The following SMARCAL1 variants were observed in gnomAD, a reference collection of about 807,000 sequenced individuals.
SMARCAL1 encodes the protein SNF2 related chromatin remodeling annealing helicase 1.
A neutral mutation model predicts 94.5 loss-of-function variants in SMARCAL1; 58 were observed. The observed-to-expected ratio is 0.61, with a 90% CI of 0.50 to 0.76. The LOEUF is 0.76. SMARCAL1 is among the 30% of genes least tolerant of loss of function. SMARCAL1 has a pLI of 0.00. For missense variants in SMARCAL1, 1,051 were observed against 1,177.9 expected (o/e 0.89, Z 1.58); for synonymous variants, 422 against 455.1 (o/e 0.93, Z 0.93).
At chr2:216,461,055 G>GGT (rs71054476) in intron 12 of SMARCAL1, among the ~76,000 whole-genome samples, 20,762 of 146,214 alleles carry the variant, frequency 0.14, 1,507 homozygotes, top group South Asian at 0.21. Flanking sequence ...ACTAGAAAGA[G>GGT]GTGTGTGTGT....
At chr2:216,473,393 C>G (rs1330806664) in intron 14 of SMARCAL1, among the ~76,000 whole-genome samples, 1 of 121,426 alleles carries the variant, frequency 8.2e-6, no homozygotes, top group South Asian at 2.5e-4. Flanking sequence ...TTTTGGTTAT[C>G]TAGACCTGCA....
At chr2:216,431,811 G>A (rs1693970060) in intron 7 of SMARCAL1, among the ~76,000 whole-genome samples, 1 of 152,164 alleles carries the variant, frequency 6.6e-6, no homozygotes, top group Non-Finnish European at 1.5e-5. Context: ...TTAGGGTCCT[G>A]GAGGCTGCCA....
chr2:216,471,781 G>C (rs866994860), intron 14 of SMARCAL1, among the ~76,000 whole-genome samples: 5 of 152,112 alleles, frequency 3.3e-5, no homozygotes, highest in African/African-American at 7.2e-5. Flanking sequence ...CATCAGACTA[G>C]TCAGATTTAT....
intron 12 of SMARCAL1, among the ~76,000 whole-genome samples, chr2:216,456,661 A>G (rs1241276060): frequency 6.6e-6 from 1 of 152,200 alleles, no homozygotes; most frequent in Admixed American, 6.5e-5. Context: ...TTTTGTCACC[A>G]CCAGGCCTGC....
chr2:216,464,135 A>T (rs1305269643), intron 12 of SMARCAL1, among the ~76,000 whole-genome samples: 7 of 152,232 alleles, frequency 4.6e-5, no homozygotes, highest in Non-Finnish European at 7.3e-5. Context: ...GGACAGAGGT[A>T]AGCTCTGTAA....
At chr2:216,418,661 G>T (rs1026057405) in intron 4 of SMARCAL1, among the ~76,000 whole-genome samples, 1 of 152,026 alleles carries the variant, frequency 6.6e-6, no homozygotes, top group Non-Finnish European at 1.5e-5. Context: ...ACCATCCCCC[G>T]TAATCTCCCC....
rs2129119 is a variant in SMARCAL1, at chr2:216,464,461, T to C, written c.2071-136T>C. 0.23 allele frequency: 180,533 copies of C among 771,514 alleles called. 24,299 individuals are homozygous for C. Among genetic ancestry groups the C allele is most frequent in the African/African-American group, 0.49 (28,563 of 58,694 alleles). 47.8% of individuals were successfully genotyped at this position (771,514 alleles called of 1,614,324 possible). A position where few individuals can be genotyped will look rare whatever the true frequency, so the allele number is the denominator to read the frequency against. On this transcript the variant is annotated intron_variant, in intron 12 of 17. Coordinates refer to ENST00000357276, the MANE Select transcript of SMARCAL1 (RefSeq NM_014140.4). Reference sequence around the variant, plus strand: ...CTTGGCCAAAGTGAAAGGGGAATCATTGTCAGCACCAGGGTCTCCTGACTC... The same window carrying C: ...CTTGGCCAAAGTGAAAGGGGAATCACTGTCAGCACCAGGGTCTCCTGACTC...
At chr2:216,429,170 G>A (rs1278365798) in intron 7 of SMARCAL1, among the ~76,000 whole-genome samples, 3 of 152,176 alleles carry the variant, frequency 2.0e-5, no homozygotes, top group African/African-American at 4.8e-5. Context: ...GTGGCAGCTC[G>A]GGCCGCCAGG....
At position 216,477,224 on chromosome 2, in the gene SMARCAL1, G is replaced by A. The variant is rs200879397; in HGVS notation, c.2528+15G>A. On this transcript the variant is annotated intron_variant, in intron 16 of 17. Coordinates refer to ENST00000357276, the MANE Select transcript of SMARCAL1 (RefSeq NM_014140.4). ...GACTACCTTTGGTATGGCTTGGTTG[G>A]GTGGCCTGGCAGTTGGAGTCGAGCA... The A allele has an allele frequency of 1.0e-3, 1,604 of 1,559,134 alleles. 2 individuals carry two copies. Among genetic ancestry groups the A allele is most frequent in the Non-Finnish European group, 1.1e-3 (1,277 of 1,145,896 alleles).
At chr2:216,419,769 C>T (rs1250836981) in intron 4 of SMARCAL1, among the ~76,000 whole-genome samples, 2 of 152,050 alleles carry the variant, frequency 1.3e-5, no homozygotes, top group African/African-American at 4.8e-5. Flanking sequence ...GTGCCTGATG[C>T]CTGTAATACC....
rs1694868930 is a variant in SMARCAL1 at position 216,468,054 on chromosome 2, C to G, written c.2244+8C>G. The G allele has an allele frequency of 3.1e-6, 5 of 1,595,856 alleles. No homozygotes were observed. The East Asian group carries it at 1.1e-4, about 36-fold the overall frequency. On this transcript the variant is annotated splice_region_variant and intron_variant, in intron 14 of 17. Transcript: ENST00000357276. ...CAAGAGCTTGAGAGAAAGGTGAGCT[C>G]CCTTTGAAATTCACCATGGGCTACT...
intron 14 of SMARCAL1, among the ~76,000 whole-genome samples, chr2:216,468,520 GAAGGATTTCC>G (rs1205953689): frequency 6.6e-6 from 1 of 152,150 alleles, no homozygotes; most frequent in Non-Finnish European, 1.5e-5. Context: ...AAGGGATCTA[GAAGGATTTCC>G]AAGGATGTTT....
Position 216,482,690 on chromosome 2 carries a change from G to A in SMARCAL1, c.2626-48G>A, listed in dbSNP as rs768824935. ...GCCCTAGTGGAGGAGAGTCAGTGTTGGAGCCTGGGCTCTTCCTTTTATCTT... is the reference window on the plus strand; with the variant it reads ...GCCCTAGTGGAGGAGAGTCAGTGTTAGAGCCTGGGCTCTTCCTTTTATCTT... On this transcript the variant is annotated intron_variant, in intron 17 of 17. Transcript: ENST00000357276. This position sits in a 1 kb window ranked among gnomAD's most constrained non-coding sequence, Gnocchi z 4.3. The A allele has an allele frequency of 2.0e-5, 33 of 1,613,740 alleles. No homozygotes were observed. The highest frequency in any genetic ancestry group is 1.6e-4 in the Middle Eastern group (1 of 6,080).
chr2:216,466,105 G>A (rs1445283296), intron 13 of SMARCAL1, among the ~76,000 whole-genome samples: 2 of 152,134 alleles, frequency 1.3e-5, no homozygotes, highest in Non-Finnish European at 2.9e-5. Flanking sequence ...ATAACAGATG[G>A]CAAGGGTGTG....
At chr2:216,474,387 G>A (rs1341515617) in intron 14 of SMARCAL1, among the ~76,000 whole-genome samples, 1 of 145,402 alleles carries the variant, frequency 6.9e-6, no homozygotes, top group Non-Finnish European at 1.5e-5. Context: ...TGATCTACCT[G>A]CCTTGGCCTC....
chr2:216,443,848 C>G (rs1258218276), intron 10 of SMARCAL1, among the ~76,000 whole-genome samples: 2 of 152,168 alleles, frequency 1.3e-5, no homozygotes, highest in African/African-American at 4.8e-5. Context: ...TTGGGGGGCA[C>G]CACTCAGGAG....
At chr2:216,427,206 G>T (rs561581863) in intron 6 of SMARCAL1, 6 of 152,230 alleles carry the variant, frequency 3.9e-5, no homozygotes, top group African/African-American at 1.4e-4. Context: ...CCGACAACAC[G>T]TCTGTCATCT....
At chr2:216,430,007 C>CCA (rs1018061039) in intron 7 of SMARCAL1, among the ~76,000 whole-genome samples, 10 of 152,090 alleles carry the variant, frequency 6.6e-5, no homozygotes, top group African/African-American at 2.4e-4. Flanking sequence ...TTGCCCAGCC[C>CCA]CACCCCCTGG....
At chr2:216,466,773 T>A (rs1694838487) in intron 13 of SMARCAL1, among the ~76,000 whole-genome samples, 1 of 152,192 alleles carries the variant, frequency 6.6e-6, no homozygotes, top group South Asian at 2.1e-4. Flanking sequence ...CTTTTTTGCT[T>A]ATATCATGGC....
Sources: allele counts gnomAD v4.1 joint callset (sites outside exome capture counted in the v4.1 genomes callset), GRCh38; gene constraint gnomAD v4.1.1; non-coding constraint Gnocchi (gnomAD v3.1); transcripts MANE v1.5; gene names NCBI Gene and HGNC (gene_info 2026-07-23, HGNC 2026-07-21).